The following LSAMP variants were observed in gnomAD, a reference collection of about 807,000 sequenced individuals.
The protein encoded by LSAMP is limbic system associated membrane protein.
A neutral mutation model predicts 38.6 loss-of-function variants in LSAMP; 7 were observed. That is an observed-to-expected ratio of 0.18 (90% CI 0.10 to 0.34). The LOEUF (loss-of-function observed/expected upper bound fraction) is 0.34, where lower values mean the gene tolerates loss of function less well. LSAMP is among the 10% of genes least tolerant of loss of function. The pLI, the probability that LSAMP is intolerant of heterozygous loss-of-function variation, is 1.00. For synonymous variants in LSAMP, 154 were observed against 166.8 expected, an observed-to-expected ratio of 0.92 and a Z score of 0.59; for missense variants, 313 against 420.0, an observed-to-expected ratio of 0.75 and a Z score of 2.23.
intron 1 of LSAMP, among the ~76,000 whole-genome samples, chr3:116,148,389 C>A (rs751513654): frequency 1.6e-4 from 25 of 152,044 alleles, no homozygotes; most frequent in Middle Eastern, 3.4e-3. Flanking sequence ...GAGCTCAAAT[C>A]AGCAGAGTGA....
At position 115,818,790 on chromosome 3, in the gene LSAMP, T is replaced by TTATA. The variant is rs66654115; in HGVS notation, c.920-8380_920-8377dup. Among the ~76,000 whole-genome samples, 125 of 69,770 alleles carry TTATA rather than the reference T, an allele frequency of 1.8e-3. 4 individuals carry two copies. The highest frequency in any genetic ancestry group is 6.8e-3 in the South Asian group (9 of 1,320). 45.8% of individuals were successfully genotyped at this position (69,770 alleles called of 152,430 possible). A position where few individuals can be genotyped will look rare whatever the true frequency, so the allele number is the denominator to read the frequency against. On this transcript the variant is annotated intron_variant, in intron 6 of 6. Coordinates refer to ENST00000490035, the MANE Select transcript of LSAMP (RefSeq NM_002338.5). ...ATAAGAAAGAAGGAAAGTTGTACTT[T>TTATA]TATATATATATATATATATATATAT... is the stretch of plus-strand genomic sequence containing the variant.
intron 1 of LSAMP, among the ~76,000 whole-genome samples, chr3:116,206,822 A>T (rs1005377944): frequency 6.6e-6 from 1 of 151,310 alleles, no homozygotes; most frequent in Admixed American, 6.6e-5. Flanking sequence ...CTTTACTTCC[A>T]AGTATGTGGT....
intron 2 of LSAMP, among the ~76,000 whole-genome samples, chr3:116,085,747 A>G (rs1412487393): frequency 6.6e-6 from 1 of 152,164 alleles, no homozygotes; most frequent in Non-Finnish European, 1.5e-5. Flanking sequence ...AATTGTCCCC[A>G]ATTACTTTGC....
At chr3:116,226,215 T>A (rs1253645124) in intron 1 of LSAMP, among the ~76,000 whole-genome samples, 3 of 152,176 alleles carry the variant, frequency 2.0e-5, no homozygotes, top group East Asian at 1.9e-4. Flanking sequence ...GACCTTTAGG[T>A]CCTGGGCTGT....
intron 1 of LSAMP, among the ~76,000 whole-genome samples, chr3:116,279,337 C>T (rs891524448): frequency 9.2e-5 from 14 of 152,200 alleles, no homozygotes; most frequent in Non-Finnish European, 1.9e-4. Context: ...CACTGCAAGG[C>T]CTGATTTCCA....
At chr3:116,280,310 C>T (rs1442884701) in intron 1 of LSAMP, among the ~76,000 whole-genome samples, 1 of 152,166 alleles carries the variant, frequency 6.6e-6, no homozygotes, top group East Asian at 1.9e-4. Flanking sequence ...AGCAATGAAG[C>T]GTCTCAGGAT....
intron 3 of LSAMP, among the ~76,000 whole-genome samples, chr3:116,019,158 G>T (rs570862378): frequency 3.6e-3 from 95 of 26,496 alleles, no homozygotes; most frequent in Non-Finnish European, 4.6e-3. Context: ...CATTGTGGGT[G>T]GGGGGGGGGG....
chr3:116,134,064 T>A (rs182261834), intron 1 of LSAMP, among the ~76,000 whole-genome samples: 1 of 152,278 alleles, frequency 6.6e-6, no homozygotes, highest in East Asian at 1.9e-4. Flanking sequence ...GGCCACAGCA[T>A]TACCTAGAAT....
chr3:115,945,887 T>C (rs1212640655), intron 3 of LSAMP, among the ~76,000 whole-genome samples: 1 of 152,180 alleles, frequency 6.6e-6, no homozygotes, highest in Non-Finnish European at 1.5e-5. Context: ...CTTAGTTCAG[T>C]TAAATCCTTT....
At chr3:116,425,638 T>G (rs896664918) in intron 1 of LSAMP, among the ~76,000 whole-genome samples, 2 of 152,168 alleles carry the variant, frequency 1.3e-5, no homozygotes, top group Non-Finnish European at 2.9e-5. Context: ...TCTAACCGTC[T>G]ATGACTTAGG....
chr3:115,977,807 G>A (rs549534186), intron 3 of LSAMP, among the ~76,000 whole-genome samples: 37 of 150,058 alleles, frequency 2.5e-4, no homozygotes, highest in African/African-American at 8.6e-4. Context: ...ATGAATAGTC[G>A]ACTAAAGCAA....
intron 3 of LSAMP, among the ~76,000 whole-genome samples, chr3:115,878,793 A>C (rs1936252204): frequency 6.6e-6 from 1 of 152,060 alleles, no homozygotes; most frequent in Non-Finnish European, 1.5e-5. Context: ...AATTGTAATA[A>C]TAATAACAAC....
chr3:116,259,983 C>CT (rs1235296235), intron 1 of LSAMP, among the ~76,000 whole-genome samples: 4 of 152,064 alleles, frequency 2.6e-5, no homozygotes, highest in Non-Finnish European at 4.4e-5. Flanking sequence ...CTCTTTTTCT[C>CT]TTTTTTCTAC....
chr3:116,417,725 A>T (rs1207776385), intron 1 of LSAMP, among the ~76,000 whole-genome samples: 1 of 152,162 alleles, frequency 6.6e-6, no homozygotes, highest in Non-Finnish European at 1.5e-5. Flanking sequence ...TCTTTTAATA[A>T]TAGGAGTCTT....
In LSAMP at chr3:115,852,610, T is replaced by A; in HGVS notation, c.522A>T (p.Glu174Asp). The A allele has an allele frequency of 6.2e-7, 1 of 1,611,440 alleles. No homozygotes were observed. The highest frequency in any genetic ancestry group is 8.5e-7 in the Non-Finnish European group (1 of 1,179,086). The change falls in exon 4 of 7, where the codon GAA (glutamate) becomes GAT (aspartate). Residue 174 changes from glutamate to aspartate, a missense_variant. Glu to Asp is a conservative substitution (Grantham distance 45, BLOSUM62 2). Coordinates refer to ENST00000490035, the MANE Select transcript of LSAMP (RefSeq NM_002338.5). ...CCAGATATTCTTCTTCTCCTTCAAATTCCCTTCCTGAAAAACAGAGGTTTT... is the reference window on the plus strand; with the variant it reads ...CCAGATATTCTTCTTCTCCTTCAAAATCCCTTCCTGAAAAACAGAGGTTTT... ...TWRHLTPTGREFEGEEEYLEI... is the reference protein window; with the variant it reads ...TWRHLTPTGRDFEGEEEYLEI...
chr3:115,912,840 C>G (rs1937164704), intron 3 of LSAMP, among the ~76,000 whole-genome samples: 1 of 152,142 alleles, frequency 6.6e-6, no homozygotes, highest in Non-Finnish European at 1.5e-5. Flanking sequence ...GCTTCCTCAA[C>G]TCTGGGATAT....
intron 1 of LSAMP, among the ~76,000 whole-genome samples, chr3:116,087,118 G>A (rs141341236): frequency 3.4e-4 from 52 of 152,296 alleles, no homozygotes; most frequent in African/African-American, 1.3e-3. Flanking sequence ...GGGGATAGGT[G>A]TTATGACAAG....
Position 116,254,765 on chromosome 3 carries a change from G to A in LSAMP, c.156-168209C>T, listed in dbSNP as rs553189580. On this transcript the variant is annotated intron_variant, in intron 1 of 6. Transcript: ENST00000490035. ...TTGGAAGATGCACCAATGGTTGACA[G>A]TATTTCCCAGAATCTCAGATTGCTC... 1.0e-3 allele frequency among the ~76,000 whole-genome samples: 159 copies of A among 152,266 alleles called. 1 individual carries two copies. Among genetic ancestry groups the A allele is most frequent in the African/African-American group, 3.6e-3 (148 of 41,552 alleles).
chr3:115,974,271 G>A (rs1006225624), intron 3 of LSAMP, among the ~76,000 whole-genome samples: 2 of 152,076 alleles, frequency 1.3e-5, no homozygotes, highest in Non-Finnish European at 2.9e-5. Flanking sequence ...TTGAACCCGG[G>A]AAGAGGGAGT....
Sources: allele counts gnomAD v4.1 joint callset (sites outside exome capture counted in the v4.1 genomes callset), GRCh38; gene constraint gnomAD v4.1.1; transcripts MANE v1.5; gene names NCBI Gene and HGNC (gene_info 2026-07-23, HGNC 2026-07-21).